The following MRTFA variants were observed in gnomAD, a reference collection of about 807,000 sequenced individuals.
MRTFA encodes the protein myocardin related transcription factor A.
In MRTFA, 20 loss-of-function variants were observed where a neutral mutation model predicts 83.5. That is an observed-to-expected ratio of 0.24 (90% CI 0.17 to 0.35). MRTFA has a LOEUF of 0.35. Ranked by LOEUF, MRTFA falls within the 10% of genes least tolerant of loss-of-function variation. MRTFA has a pLI of 1.00. For synonymous variants in MRTFA, 659 were observed against 541.2 expected (o/e 1.22, Z -3.02); for missense variants, 1,200 against 1,224.7 (o/e 0.98, Z 0.30).
rs913074489 is a variant in MRTFA at position 40,535,464 on chromosome 22, T to C, written c.241+16642A>G. Among the ~76,000 whole-genome samples, 7 of 145,410 alleles carry C rather than the reference T, an allele frequency of 4.8e-5. No individual in the cohort carries two copies. In the South Asian group the frequency reaches 9.1e-4, roughly 19 times the overall value. On this transcript the variant is annotated intron_variant, in intron 3 of 14. Coordinates refer to ENST00000355630, the MANE Select transcript of MRTFA (RefSeq NM_020831.6). Reference sequence around the variant, plus strand: ...ACCTCCCAAGTTCAAGCGATCCTCCTACCTCAGCCTCCCAAGTAGCTGGGA... The same window carrying C: ...ACCTCCCAAGTTCAAGCGATCCTCCCACCTCAGCCTCCCAAGTAGCTGGGA...
At chr22:40,499,353 C>A (rs1371382208) in intron 3 of MRTFA, among the ~76,000 whole-genome samples, 1 of 152,166 alleles carries the variant, frequency 6.6e-6, no homozygotes, top group Non-Finnish European at 1.5e-5. Context: ...ACAGACAACA[C>A]AGAGCACTGA....
At chr22:40,586,725 G>A (rs991660087) in intron 2 of MRTFA, 19 of 285,122 alleles carry the variant, frequency 6.7e-5, no homozygotes, top group Non-Finnish European at 9.6e-5. Flanking sequence ...CGTTTCCTCT[G>A]TGGTAGGTTT....
chr22:40,460,021 C>G (rs1410072979), intron 4 of MRTFA, among the ~76,000 whole-genome samples: 3 of 151,728 alleles, frequency 2.0e-5, no homozygotes, highest in African/African-American at 7.3e-5. Context: ...CGGCTTGCTG[C>G]AGCCTCCGCC....
At chr22:40,414,763 G>A (rs551826526) in intron 14 of MRTFA, among the ~76,000 whole-genome samples, 1 of 152,316 alleles carries the variant, frequency 6.6e-6, no homozygotes, top group South Asian at 2.1e-4. Flanking sequence ...CTTATGGGGT[G>A]ATGAAGTTCT....
chr22:40,612,795 T>C (rs987164925), intron 1 of MRTFA, among the ~76,000 whole-genome samples: 1 of 152,188 alleles, frequency 6.6e-6, no homozygotes, highest in Middle Eastern at 3.4e-3. Context: ...AAAACAATGT[T>C]TAAAACTTAG....
At chr22:40,512,438 G>A (rs1258404817) in intron 3 of MRTFA, among the ~76,000 whole-genome samples, 1 of 152,136 alleles carries the variant, frequency 6.6e-6, no homozygotes, top group Admixed American at 6.5e-5. Context: ...CATACCTAAT[G>A]AGGATCCTTG....
intron 12 of MRTFA, 161 bp from the exon 13 acceptor site, chr22:40,417,654 T>C (rs2052714096): frequency 1.7e-6 from 1 of 593,928 alleles, no homozygotes; most frequent in East Asian, 2.9e-5. Flanking sequence ...AGCCACTAGG[T>C]AGGAAGGAAT....
intron 2 of MRTFA, among the ~76,000 whole-genome samples, chr22:40,570,577 CAAAA>C (rs894548892): frequency 7.8e-4 from 18 of 23,150 alleles, no homozygotes; most frequent in Admixed American, 1.3e-3. Context: ...GACTCTGTCT[CAAAA>C]AAAAAAAAAA....
chr22:40,435,482 G>GA lies in MRTFA; in HGVS notation c.363+16dup. 5.0e-6 allele frequency: 8 copies of GA among 1,613,634 alleles called. No individual in the cohort carries two copies. Among genetic ancestry groups the GA allele is most frequent in the Non-Finnish European group, 6.8e-6 (8 of 1,179,598 alleles). ...AATGCTCTTTGGGAGTTCTGAGGGG[G>GA]AAAAAAGGTACCTTACCCTGGCCCG... On this transcript the variant is annotated intron_variant, in intron 5 of 14. Transcript: ENST00000355630.
chr22:40,455,925 C>T (rs1164450907), intron 4 of MRTFA, among the ~76,000 whole-genome samples: 2 of 151,970 alleles, frequency 1.3e-5, no homozygotes, highest in Non-Finnish European at 2.9e-5. Flanking sequence ...TCAAGCAATT[C>T]CCCCTGCTTC....
At chr22:40,414,200 G>A (rs1014402364) in intron 14 of MRTFA, among the ~76,000 whole-genome samples, 3 of 152,146 alleles carry the variant, frequency 2.0e-5, no homozygotes, top group South Asian at 2.1e-4. Context: ...AAAATTGGCC[G>A]GGCGTGGCGG....
chr22:40,474,060 A>C (rs1305044672), intron 3 of MRTFA, among the ~76,000 whole-genome samples: 1 of 152,224 alleles, frequency 6.6e-6, no homozygotes, highest in Admixed American at 6.5e-5. Context: ...GTATTTACTA[A>C]ACAACTATAG....
intron 3 of MRTFA, among the ~76,000 whole-genome samples, chr22:40,478,377 C>T (rs1375244188): frequency 6.6e-6 from 1 of 152,128 alleles, no homozygotes; most frequent in Non-Finnish European, 1.5e-5. Context: ...ATGTAAGATG[C>T]TAACATTAGG....
intron 3 of MRTFA, among the ~76,000 whole-genome samples, chr22:40,502,107 G>A (rs2054494983): frequency 2.8e-5 from 4 of 140,912 alleles, no homozygotes; most frequent in African/African-American, 7.9e-5. Context: ...AGGGGCGGCC[G>A]GGCAGAGGCG....
chr22:40,418,493 G>T lies in MRTFA; in HGVS notation c.2245C>A (p.Leu749Ile), dbSNP rs144758927. Residue 749 changes from leucine to isoleucine, a missense_variant, in exon 12 of 15, where the codon CTC becomes ATC. This residue lies in a region of MRTFA where 1,107 missense variants were observed against 1,041.8 expected (regional missense o/e 1.06). Transcript: ENST00000355630. The stretch of plus-strand genomic sequence containing the variant: ...GTGGGAGGTGCAACCCCCTTGATGA[G>T]GCTGGGGCCCTGAGGCCCCAGAAGC... 986 of 1,607,876 alleles carry T rather than the reference G, an allele frequency of 6.1e-4. 6 individuals carry two copies. The highest frequency in any genetic ancestry group is 3.2e-3 in the Middle Eastern group (19 of 6,018).
rs1173009724 is a variant in MRTFA, at chr22:40,410,563, C to T, written c.*827G>A. 4.3e-6 allele frequency: 1 copy of T among 233,334 alleles called. No homozygotes were observed. Among genetic ancestry groups the T allele is most frequent in the East Asian group, 6.0e-5 (1 of 16,552 alleles). 14.5% of individuals were successfully genotyped at this position (233,334 alleles called of 1,614,324 possible). On this transcript the variant is annotated 3_prime_UTR_variant, in exon 15 of 15. Transcript: ENST00000355630. ...CTGGCAGGAAGGCCAGGTAGCACCT[C>T]TGCCCTCATGGCACTGATAAGGAGC...
intron 1 of MRTFA, among the ~76,000 whole-genome samples, chr22:40,632,739 A>G (rs1004483964): frequency 6.6e-5 from 10 of 152,130 alleles, no homozygotes; most frequent in Admixed American, 3.3e-4. Flanking sequence ...CCCAGCCATT[A>G]TTGCAATTTT....
chr22:40,507,966 C>T (rs1208675170), intron 3 of MRTFA, among the ~76,000 whole-genome samples: 1 of 108,814 alleles, frequency 9.2e-6, no homozygotes, highest in African/African-American at 3.7e-5. Flanking sequence ...GAGCAAGACT[C>T]CACCTCAAAA....
intron 4 of MRTFA, among the ~76,000 whole-genome samples, chr22:40,458,261 G>A (rs565814944): frequency 6.6e-5 from 10 of 152,268 alleles, no homozygotes; most frequent in East Asian, 5.8e-4. Context: ...GTTAAGTGAC[G>A]TTAAATTTGA....
Sources: allele counts gnomAD v4.1 joint callset (sites outside exome capture counted in the v4.1 genomes callset), GRCh38; gene constraint gnomAD v4.1.1; regional missense constraint gnomAD v4.1.1; transcripts MANE v1.5; gene names NCBI Gene and HGNC (gene_info 2026-07-23, HGNC 2026-07-21).